PIR: variants seen among roughly 807,000 people sequenced by gnomAD.
The protein encoded by PIR is pirin.
In PIR, 22 loss-of-function variants were observed where a neutral mutation model predicts 24.2. That is an observed-to-expected ratio of 0.91 (90% CI 0.65 to 1.30). The LOEUF (loss-of-function observed/expected upper bound fraction) is 1.30. PIR is among the 50% of genes most tolerant of loss of function. The pLI is 0.00. For synonymous variants in PIR, 80 were observed against 79.6 expected (o/e 1.00, Z -0.03); for missense variants, 220 against 220.3 (o/e 1.00, Z 0.01).
intron 4 of PIR, among the ~76,000 whole-genome samples, chrX:15,456,834 A>G (rs41477545): frequency 0.034 from 3,871 of 112,534 alleles, 161 homozygotes; most frequent in African/African-American, 0.12. Context: ...CTCCACTGTT[A>G]TGCAGATTCT....
At chrX:15,434,699 T>C (rs139838301) in intron 5 of PIR, among the ~76,000 whole-genome samples, 2,119 of 102,659 alleles carry the variant, frequency 0.021, 63 homozygotes, top group African/African-American at 0.071. Flanking sequence ...TCTCATCAAT[T>C]TACATGAGAG....
chrX:15,424,995 C>T (rs936390579), intron 6 of PIR, among the ~76,000 whole-genome samples: 6 of 105,827 alleles, frequency 5.7e-5, no homozygotes, highest in East Asian at 2.9e-4. Context: ...TGAGACCCCA[C>T]GTCTACAGAA....
rs766967331 is a variant in PIR, at chrX:15,452,982, A to G, written c.480+2866T>C. Among the ~76,000 whole-genome samples the G allele has an allele frequency of 5.5e-3, 616 of 112,254 alleles. 6 individuals carry two copies. Among genetic ancestry groups the G allele is most frequent in the African/African-American group, 0.019 (598 of 30,930 alleles). ...ATATATATTCTCAGCCTCACCTTGT[A>G]ATTTAACCTAAAATTGTCTTCCTGA... On this transcript the variant is annotated intron_variant, in intron 5 of 9. Coordinates refer to ENST00000380420, the MANE Select transcript of PIR (RefSeq NM_001018109.3).
At chrX:15,458,127 T>A (rs999932422) in intron 4 of PIR, among the ~76,000 whole-genome samples, 6 of 112,180 alleles carry the variant, frequency 5.3e-5, no homozygotes, top group Non-Finnish European at 3.8e-5. Context: ...CCTTTAAAGT[T>A]CATTTCTTCA....
At chrX:15,486,872 A>G (rs1922862887) in intron 2 of PIR, among the ~76,000 whole-genome samples, 1 of 112,621 alleles carries the variant, frequency 8.9e-6, no homozygotes, top group African/African-American at 3.2e-5. Context: ...ACACTTATGT[A>G]TATCATTGGT....
intron 3 of PIR, among the ~76,000 whole-genome samples, chrX:15,464,922 T>G (rs1201726162): frequency 1.8e-5 from 2 of 112,514 alleles, no homozygotes; most frequent in African/African-American, 3.2e-5. Flanking sequence ...GCCTAAGGGC[T>G]TTCAGGTTGC....
At chrX:15,489,018 C>A (rs972568035) in intron 2 of PIR, among the ~76,000 whole-genome samples, 2 of 111,678 alleles carry the variant, frequency 1.8e-5, no homozygotes, top group African/African-American at 3.3e-5. Context: ...CAACCATTAC[C>A]GTCATCTCTA....
intron 3 of PIR, among the ~76,000 whole-genome samples, chrX:15,474,164 T>C (rs1922078930): frequency 9.0e-6 from 1 of 111,692 alleles, no homozygotes; most frequent in South Asian, 3.7e-4. Context: ...GGATGCCACG[T>C]TGTCAGAACA....
At chrX:15,437,853 A>G (rs1216337391) in intron 5 of PIR, among the ~76,000 whole-genome samples, 2 of 112,324 alleles carry the variant, frequency 1.8e-5, no homozygotes, top group Admixed American at 9.4e-5. Flanking sequence ...CTACTCCTTC[A>G]GGTCTCTTGC....
chrX:15,434,245 G>T (rs1925667047), intron 5 of PIR, among the ~76,000 whole-genome samples: 1 of 104,178 alleles, frequency 9.6e-6, no homozygotes, highest in Non-Finnish European at 2.0e-5. Flanking sequence ...GAAGGAGGAG[G>T]AAGGAGAAAG....
chrX:15,479,272 T>G (rs923616054), intron 3 of PIR, among the ~76,000 whole-genome samples: 1 of 110,962 alleles, frequency 9.0e-6, no homozygotes, highest in African/African-American at 3.3e-5. Context: ...TTTTTGGAGT[T>G]TATAATATTA....
chrX:15,435,080 G>A (rs748552586), intron 5 of PIR, among the ~76,000 whole-genome samples: 72 of 110,074 alleles, frequency 6.5e-4, no homozygotes, highest in African/African-American at 1.9e-3. Context: ...GCGTAGTGGC[G>A]GGCGCCTGTA....
intron 5 of PIR, among the ~76,000 whole-genome samples, chrX:15,442,604 A>G (rs1925953841): frequency 1.8e-5 from 2 of 112,369 alleles, no homozygotes; most frequent in South Asian, 7.3e-4. Flanking sequence ...AAGTTTCTGA[A>G]GGAAATTAAA....
At chrX:15,491,585 T>C in intron 1 of PIR, among the ~76,000 whole-genome samples, 1 of 112,115 alleles carries the variant, frequency 8.9e-6, no homozygotes. Flanking sequence ...GATACAGTCA[T>C]GTGCCTGCCA....
chrX:15,409,095 CTTTT>C (rs11308485), intron 6 of PIR, among the ~76,000 whole-genome samples: 40 of 60,418 alleles, frequency 6.6e-4, no homozygotes, highest in African/African-American at 2.4e-3. Flanking sequence ...GTTTTTCTCC[CTTTT>C]TTTTTTTTTT....
intron 6 of PIR, among the ~76,000 whole-genome samples, chrX:15,425,652 C>G (rs1449141857): frequency 9.0e-6 from 1 of 111,171 alleles, no homozygotes; most frequent in Non-Finnish European, 1.9e-5. Flanking sequence ...CCTCGTGATC[C>G]ACCCGCCTCG....
chrX:15,436,743 T>C (rs894664064), intron 5 of PIR, among the ~76,000 whole-genome samples: 3 of 112,682 alleles, frequency 2.7e-5, no homozygotes, highest in African/African-American at 6.4e-5. Context: ...TAAGAGTTCT[T>C]GTAGGAAAGT....
intron 3 of PIR, among the ~76,000 whole-genome samples, chrX:15,462,835 C>T (rs1483365128): frequency 8.9e-6 from 1 of 111,875 alleles, no homozygotes; most frequent in Non-Finnish European, 1.9e-5. Flanking sequence ...AAGGTAAGTG[C>T]ACCAACAACA....
At chrX:15,397,620 C>T (rs1924212987) in intron 7 of PIR, 89 bp from the exon 8 acceptor site, 6 of 539,168 alleles carry the variant, frequency 1.1e-5, no homozygotes, top group African/African-American at 2.3e-5. Flanking sequence ...AGCACCACAA[C>T]ATTTATTTTA....
Sources: allele counts gnomAD v4.1 joint callset (sites outside exome capture counted in the v4.1 genomes callset), GRCh38; gene constraint gnomAD v4.1.1; transcripts MANE v1.5; gene names NCBI Gene and HGNC (gene_info 2026-07-23, HGNC 2026-07-21).